Variants in ZFPM1 observed in about 807,000 individuals in gnomAD.
ZFPM1 encodes the protein zinc finger protein ZFPM1.
A neutral mutation model predicts 46.3 loss-of-function variants in ZFPM1; 28 were observed. The ratio of observed to expected loss-of-function variants is 0.60; its 90% confidence interval spans 0.45 to 0.83. The LOEUF is 0.83. Ranked by LOEUF, ZFPM1 falls within the 40% of genes least tolerant of loss-of-function variation. The pLI, the probability that ZFPM1 is intolerant of heterozygous loss-of-function variation, is 0.00. For missense variants in ZFPM1, 1,878 were observed against 1,432.4 expected (o/e 1.31, Z -5.02); for synonymous variants, 957 against 675.9 (o/e 1.42, Z -6.45).
intron 1 of ZFPM1, among the ~76,000 whole-genome samples, chr16:88,472,172 C>T (rs1262001939): frequency 1.3e-5 from 2 of 152,134 alleles, no homozygotes; most frequent in Admixed American, 6.5e-5. Flanking sequence ...CCTCAGTGTC[C>T]ACACCCACAA....
rs189560536 is a variant in ZFPM1 at position 88,483,278 on chromosome 16, C to T, written c.41-2661C>T. ...CATGGCTCCCCGGTGGCACCTGCCC[C>T]TCCTGTCCAGGACCCCCCATGGCTC... is the stretch of plus-strand genomic sequence containing the variant. On this transcript the variant is annotated intron_variant, in intron 1 of 9. Transcript: ENST00000319555. Among the ~76,000 whole-genome samples the T allele has an allele frequency of 2.8e-3, 428 of 150,806 alleles. 2 individuals carry two copies. The highest frequency in any genetic ancestry group is 9.9e-3 in the African/African-American group (400 of 40,358).
At chr16:88,489,487 A>G (rs1909433405) in intron 3 of ZFPM1, 1 of 282,492 alleles carries the variant, frequency 3.5e-6, no homozygotes, top group Non-Finnish European at 6.7e-6. Flanking sequence ...AGGTGGGAAC[A>G]GGAGGCTGCG....
chr16:88,491,216 T>G (rs1909555204), intron 3 of ZFPM1, among the ~76,000 whole-genome samples: 2 of 152,240 alleles, frequency 1.3e-5, no homozygotes, highest in South Asian at 4.2e-4. Context: ...CCGCCCTGAC[T>G]GCCTCAGTGT....
intron 1 of ZFPM1, among the ~76,000 whole-genome samples, chr16:88,454,735 T>A (rs531226793): frequency 1.1e-4 from 16 of 152,324 alleles, no homozygotes; most frequent in African/African-American, 3.8e-4. Context: ...CGCCTCACAG[T>A]TAGGGCCCAG....
chr16:88,489,496 C>T (rs111246746), intron 3 of ZFPM1: 221 of 264,208 alleles, frequency 8.4e-4, no homozygotes, highest in African/African-American at 4.7e-3. Flanking sequence ...CAGGAGGCTG[C>T]GTCTGAGCTG....
Position 88,532,823 on chromosome 16 carries a change from A to C in ZFPM1, c.1077A>C (p.Thr359=), listed in dbSNP as rs1912901985. The C allele has an allele frequency of 6.2e-7, 1 of 1,613,272 alleles. No homozygotes were observed. The highest frequency in any genetic ancestry group is 1.7e-5 in the Admixed American group (1 of 60,012). ...ACAGCTGTGGCTTCATCTCCACCAC[A>C]AGGGACATCCTCTACAGCCACTTGG... ...VCHSCGFIST[T]RDILYSHLVT... Residue 359 remains threonine (T), a synonymous_variant, in exon 9 of 10, where the codon ACA becomes ACC. Transcript: ENST00000319555.
At chr16:88,455,039 C>T (rs1466985303) in intron 1 of ZFPM1, among the ~76,000 whole-genome samples, 2 of 152,214 alleles carry the variant, frequency 1.3e-5, no homozygotes, top group Non-Finnish European at 2.9e-5. Flanking sequence ...ATCGTGTCAA[C>T]TCAAGTATTA....
At chr16:88,504,781 C>T (rs1457642994) in intron 3 of ZFPM1, among the ~76,000 whole-genome samples, 7 of 152,204 alleles carry the variant, frequency 4.6e-5, no homozygotes, top group Non-Finnish European at 7.4e-5. Flanking sequence ...GACCTGGCTC[C>T]GAGCTGTCCT....
intron 3 of ZFPM1, 42 bp downstream of exon 3, chr16:88,489,195 G>A (rs1361930242): frequency 4.2e-5 from 65 of 1,550,936 alleles, no homozygotes; most frequent in South Asian, 2.8e-4. Flanking sequence ...CGCCTCCCGG[G>A]CAGCCTGGCC....
chr16:88,459,645 C>T (rs114361643), intron 1 of ZFPM1, among the ~76,000 whole-genome samples: 2,979 of 122,922 alleles, frequency 0.024, 161 homozygotes, highest in African/African-American at 0.093. Flanking sequence ...CTAACGCCCA[C>T]CCATGGGGCT....
At chr16:88,490,728 C>T (rs1281536534) in intron 3 of ZFPM1, among the ~76,000 whole-genome samples, 1 of 152,142 alleles carries the variant, frequency 6.6e-6, no homozygotes, top group Non-Finnish European at 1.5e-5. Flanking sequence ...ATGACCCGGC[C>T]CCATGGGGAA....
At chr16:88,487,577 G>T (rs750045058) in intron 2 of ZFPM1, among the ~76,000 whole-genome samples, 1 of 152,146 alleles carries the variant, frequency 6.6e-6, no homozygotes, top group Non-Finnish European at 1.5e-5. Flanking sequence ...CGAGGGGCTG[G>T]GGTGGAGATC....
chr16:88,512,932 C>T (rs2142427994), intron 3 of ZFPM1: 1 of 152,374 alleles, frequency 6.6e-6, no homozygotes, highest in African/African-American at 2.4e-5. Flanking sequence ...CACTGCTAGC[C>T]TGCTAGCCGC....
In ZFPM1 at chr16:88,532,663, G is replaced by C; in HGVS notation, c.996G>C (p.Lys332Asn). The change falls in exon 8 of 10, where the codon AAG becomes AAC. Residue 332 changes from lysine to asparagine, a missense_variant. By Grantham distance (94) the Lys-to-Asn change is moderately conservative. Transcript: ENST00000319555. ...CLICLSAFTT[K>N]ANCERHLKVH... The stretch of plus-strand genomic sequence containing the variant: ...TCTGCCTGTCGGCCTTCACCACCAA[G>C]GCCAACTGCGAGCGGCACCTCAAGG... 1 of 1,600,188 alleles carries C rather than the reference G, an allele frequency of 6.2e-7. No individual in the cohort carries two copies. Among genetic ancestry groups the C allele is most frequent in the Non-Finnish European group, 8.5e-7 (1 of 1,173,530 alleles).
chr16:88,493,439 A>AGCTGTCCCGGGGTG (rs1909731366), intron 3 of ZFPM1, among the ~76,000 whole-genome samples: 1 of 28,346 alleles, frequency 3.5e-5, no homozygotes, highest in African/African-American at 1.5e-4. Flanking sequence ...GTCCCGGGGT[A>AGCTGTCCCGGGGTG]CGGAGAGCTG....
rs559698092 is a variant in ZFPM1, at chr16:88,494,209, C to T, written c.268+5056C>T. On this transcript the variant is annotated intron_variant, in intron 3 of 9. Transcript: ENST00000319555. ...GCGGGCAGGTTCTACGGGGAGAAGC[C>T]GCCATCTGCAACCTGGAACTCCCCT... 7.7e-4 allele frequency among the ~76,000 whole-genome samples: 117 copies of T among 152,206 alleles called. 1 individual carries two copies. Among genetic ancestry groups the T allele is most frequent in the Admixed American group, 6.8e-3 (104 of 15,296 alleles).
At chr16:88,460,951 G>GGT (rs1907806741) in intron 1 of ZFPM1, among the ~76,000 whole-genome samples, 1 of 51,994 alleles carries the variant, frequency 1.9e-5, no homozygotes. Flanking sequence ...ATGACCGAGG[G>GGT]GCGGGGCGGG....
At chr16:88,518,179 T>C (rs893445441) in intron 4 of ZFPM1, among the ~76,000 whole-genome samples, 15 of 150,140 alleles carry the variant, frequency 1.0e-4, no homozygotes, top group African/African-American at 2.7e-4. Flanking sequence ...CACTCCAGCC[T>C]AGGCGACAGA....
chr16:88,460,401 C>G, intron 1 of ZFPM1, among the ~76,000 whole-genome samples: 1 of 152,174 alleles, frequency 6.6e-6, no homozygotes, highest in East Asian at 1.9e-4. Flanking sequence ...TGGGCCCAGG[C>G]AGTGTCATGG....
Sources: allele counts gnomAD v4.1 joint callset (sites outside exome capture counted in the v4.1 genomes callset), GRCh38; gene constraint gnomAD v4.1.1; transcripts MANE v1.5; gene names NCBI Gene and HGNC (gene_info 2026-07-23, HGNC 2026-07-21).